Variants in NAV2 observed in about 807,000 individuals in gnomAD.
The protein encoded by NAV2 is helicase, APC down-regulated 1.
A neutral mutation model predicts 223.2 loss-of-function variants in NAV2; 54 were observed. The observed-to-expected ratio is 0.24, with a 90% CI of 0.19 to 0.30. The LOEUF (loss-of-function observed/expected upper bound fraction) is 0.30. Among genes scored for constraint, NAV2 ranks in the 10% least tolerant of loss-of-function variants. NAV2 has a pLI of 1.00. For missense variants in NAV2, 2,806 were observed against 3,147.5 expected (o/e 0.89, Z 2.60); for synonymous variants, 1,279 against 1,239.3 (o/e 1.03, Z -0.67).
intron 1 of NAV2, among the ~76,000 whole-genome samples, chr11:19,560,255 CA>C (rs753955765): frequency 2.0e-5 from 3 of 152,288 alleles, no homozygotes; most frequent in East Asian, 3.9e-4. Flanking sequence ...TAACTAATCA[CA>C]AGCTTTAGAC....
At chr11:19,630,234 A>G (rs983649283) in intron 1 of NAV2, among the ~76,000 whole-genome samples, 3 of 152,160 alleles carry the variant, frequency 2.0e-5, no homozygotes, top group African/African-American at 7.2e-5. Flanking sequence ...CAATATCTCC[A>G]TCATCAATAT....
upstream of NAV2, among the ~76,000 whole-genome samples, chr11:19,350,292 G>T (rs751261875): frequency 2.0e-5 from 3 of 152,156 alleles, no homozygotes; most frequent in Non-Finnish European, 4.4e-5. Context: ...TCACTATGTG[G>T]CTCCAGATGG....
intron 1 of NAV2, among the ~76,000 whole-genome samples, chr11:19,375,017 T>C (rs1264965012): frequency 6.6e-6 from 1 of 152,220 alleles, no homozygotes; most frequent in African/African-American, 2.4e-5. Context: ...CTCACCCAGC[T>C]TCCCAGTCAA....
intron 1 of NAV2, among the ~76,000 whole-genome samples, chr11:19,814,966 G>C (rs1316759660): frequency 6.6e-6 from 1 of 152,170 alleles, no homozygotes; most frequent in Non-Finnish European, 1.5e-5. Context: ...CTAGGAAAGA[G>C]TGTGCTTCTC....
intron 1 of NAV2, among the ~76,000 whole-genome samples, chr11:19,452,128 G>GTT (rs1018065949): frequency 1.2e-4 from 18 of 151,790 alleles, no homozygotes; most frequent in African/African-American, 3.9e-4. Flanking sequence ...GTGTGTGTGT[G>GTT]TGTGTGTGTG....
chr11:19,985,432 G>A (rs1250868212), intron 11 of NAV2, among the ~76,000 whole-genome samples: 1 of 152,118 alleles, frequency 6.6e-6, no homozygotes, highest in African/African-American at 2.4e-5. Context: ...TTTATATCAG[G>A]GATGTTAAAA....
At chr11:19,392,604 G>C (rs1849293151) in intron 1 of NAV2, among the ~76,000 whole-genome samples, 1 of 152,144 alleles carries the variant, frequency 6.6e-6, no homozygotes, top group East Asian at 1.9e-4. Flanking sequence ...AAAATGTACT[G>C]CCTTTTGTGA....
At chr11:19,914,341 A>C (rs1279214028) in intron 6 of NAV2, among the ~76,000 whole-genome samples, 1 of 152,146 alleles carries the variant, frequency 6.6e-6, no homozygotes. Context: ...TGTTCTGCCG[A>C]AATACTTGCA....
intron 1 of NAV2, among the ~76,000 whole-genome samples, chr11:19,616,382 G>A (rs1201412321): frequency 6.6e-6 from 1 of 151,800 alleles, no homozygotes; most frequent in Non-Finnish European, 1.5e-5. Flanking sequence ...CCCTATGTGT[G>A]TGTATTGCAG....
In NAV2 at chr11:19,623,278, A is replaced by G. The variant is rs565501704; in HGVS notation, c.76-209206A>G. Among the ~76,000 whole-genome samples, 6 of 152,162 alleles carry G rather than the reference A, an allele frequency of 3.9e-5. No homozygotes were observed. The South Asian group carries it at 1.0e-3, about 26-fold the overall frequency. ...TCTTCTAGAGGAGTATCTTTGTGGCATTCTCTGTATTTCCTGAATTTGAAT... is the reference window on the plus strand; with the variant it reads ...TCTTCTAGAGGAGTATCTTTGTGGCGTTCTCTGTATTTCCTGAATTTGAAT... On this transcript the variant is annotated intron_variant, in intron 1 of 37. Transcript: ENST00000360655.
intron 6 of NAV2, among the ~76,000 whole-genome samples, chr11:19,905,514 T>G (rs1336409854): frequency 6.6e-6 from 1 of 152,228 alleles, no homozygotes; most frequent in Non-Finnish European, 1.5e-5. Context: ...TTCGACCTTG[T>G]AGGGAAGAAA....
chr11:19,582,107 G>GA (rs2045737687), intron 1 of NAV2, among the ~76,000 whole-genome samples: 1 of 152,200 alleles, frequency 6.6e-6, no homozygotes, highest in African/African-American at 2.4e-5. Flanking sequence ...GCATTTCTCT[G>GA]ATGGCCAGTT....
In NAV2 at chr11:19,655,539, A is replaced by G. The variant is rs562473787; in HGVS notation, c.76-176945A>G. Reference sequence around the variant, plus strand: ...TGGGTTAAGAAAATGTGGCACATATACACCATGGAATACTATGCAGCCAAA... The same window carrying G: ...TGGGTTAAGAAAATGTGGCACATATGCACCATGGAATACTATGCAGCCAAA... On this transcript the variant is annotated intron_variant, in intron 1 of 37. Coordinates refer to the NAV2 transcript ENST00000360655. 1.5e-4 allele frequency among the ~76,000 whole-genome samples: 23 copies of G among 152,232 alleles called. No individual in the cohort carries two copies. The South Asian group carries it at 4.6e-3, about 30-fold the overall frequency.
chr11:20,013,494 A>G (rs1165352836), intron 11 of NAV2, among the ~76,000 whole-genome samples: 1 of 148,806 alleles, frequency 6.7e-6, no homozygotes, highest in African/African-American at 2.5e-5. Context: ...TTTTCCTTTC[A>G]TTGTAGACAA....
At chr11:19,999,284 C>G (rs554470863) in intron 11 of NAV2, among the ~76,000 whole-genome samples, 18 of 152,338 alleles carry the variant, frequency 1.2e-4, no homozygotes, top group Non-Finnish European at 1.8e-4. Context: ...GCCCAACTTG[C>G]CTTCAAAAAA....
At chr11:19,605,809 G>T (rs1428071556) in intron 1 of NAV2, among the ~76,000 whole-genome samples, 1 of 152,208 alleles carries the variant, frequency 6.6e-6, no homozygotes, top group African/African-American at 2.4e-5. Flanking sequence ...GGATTTGGAA[G>T]GTCCTGGTAT....
At position 20,106,205 on chromosome 11, in the gene NAV2, A is replaced by ATGTGTG. The variant is rs1324944849; in HGVS notation, c.6841+479_6841+480insGTGTGT. ...TGTGTATATATATATATATATATATATATATATATATATATATATATATAT... is the reference window on the plus strand; with the variant it reads ...TGTGTATATATATATATATATATATATGTGTGTATATATATATATATATATATATAT... On this transcript the variant is annotated intron_variant, in intron 35 of 37. Coordinates refer to ENST00000349880, the MANE Select transcript of NAV2 (RefSeq NM_145117.5). 1.4e-4 allele frequency among the ~76,000 whole-genome samples: 6 copies of ATGTGTG among 43,680 alleles called. 1 individual carries two copies. Among genetic ancestry groups the ATGTGTG allele is most frequent in the African/African-American group, 3.6e-4 (6 of 16,802 alleles). The allele number at this position is 43,680 out of a possible 152,430, so 28.7% of individuals were successfully genotyped here.
chr11:19,478,007 T>C (rs1364953306), intron 1 of NAV2, among the ~76,000 whole-genome samples: 1 of 152,222 alleles, frequency 6.6e-6, no homozygotes, highest in Admixed American at 6.5e-5. Flanking sequence ...ATTCAGCAGG[T>C]ATTGCTATAA....
chr11:19,586,400 A>C (rs1311175679), intron 1 of NAV2, among the ~76,000 whole-genome samples: 1 of 152,246 alleles, frequency 6.6e-6, no homozygotes, highest in East Asian at 1.9e-4. Flanking sequence ...TTCTCCGTCC[A>C]GCTTTGTTCC....
Sources: gnomAD v4.1 joint callset for allele counts (sites outside exome capture counted in the v4.1 genomes callset) on GRCh38, gnomAD v4.1.1 for gene constraint, MANE v1.5 for transcripts, NCBI Gene and HGNC (gene_info 2026-07-23, HGNC 2026-07-21) for gene names.